The following SHROOM4 variants were observed in gnomAD, a reference collection of about 807,000 sequenced individuals.
The protein encoded by SHROOM4 is protein Shroom4.
Under a neutral mutation model 80.3 loss-of-function variants are expected in SHROOM4, and 17 were observed. That is an observed-to-expected ratio of 0.21 (90% CI 0.14 to 0.32). The LOEUF (loss-of-function observed/expected upper bound fraction) is 0.32, where lower values mean the gene tolerates loss of function less well. Among genes scored for constraint, SHROOM4 ranks in the 10% least tolerant of loss-of-function variants. The pLI is 1.00. For synonymous variants in SHROOM4, 400 were observed against 437.5 expected, an observed-to-expected ratio of 0.91 and a Z score of 1.07; for missense variants, 993 against 1,140.3, an observed-to-expected ratio of 0.87 and a Z score of 1.86.
chrX:50,628,057 A>C (rs1557253446), intron 4 of SHROOM4, among the ~76,000 whole-genome samples: 1 of 112,150 alleles, frequency 8.9e-6, no homozygotes, highest in African/African-American at 3.2e-5. Flanking sequence ...GAACCTGCTC[A>C]TTCCTCCTGC....
At chrX:50,746,647 T>C (rs1367755253) in intron 1 of SHROOM4, among the ~76,000 whole-genome samples, 4 of 111,973 alleles carry the variant, frequency 3.6e-5, no homozygotes, top group African/African-American at 1.3e-4. Flanking sequence ...TCCCTTACAG[T>C]GGAGAAGGGT....
Position 50,635,257 on chromosome X carries a change from G to T in SHROOM4, c.816C>A (p.Gly272=). 1 of 1,201,989 alleles carries T rather than the reference G, an allele frequency of 8.3e-7. No individual in the cohort carries two copies. The highest frequency in any genetic ancestry group is 1.1e-6 in the Non-Finnish European group (1 of 890,476). Residue 272 remains glycine (G), a synonymous_variant, in exon 4 of 9, where the codon GGC becomes GGA. Transcript: ENST00000376020. ...CCCGCCTCACTGGAGGTTGTGGTGGGCCCCTGACTGCTTTGGCGGGCCCTG... is the reference window on the plus strand; with the variant it reads ...CCCGCCTCACTGGAGGTTGTGGTGGTCCCCTGACTGCTTTGGCGGGCCCTG... ...YQSGPAKAVR[G]PPQPPVRRDS... is the part of the protein sequence containing the mutation.
Position 50,615,623 on chromosome X carries a change from G to A in SHROOM4, c.2958-7439C>T, listed in dbSNP as rs370831401. On this transcript the variant is annotated intron_variant, in intron 5 of 8. Transcript: ENST00000376020. The stretch of plus-strand genomic sequence containing the variant: ...TGCTCAGTACATATTTCTTCAATGT[G>A]AAATAAATGCAGGTTTGTGTGACTA... 1.2e-4 allele frequency among the ~76,000 whole-genome samples: 13 copies of A among 112,112 alleles called. No homozygotes were observed. In the South Asian group the frequency reaches 4.5e-3, roughly 39 times the overall value.
rs1557273794 is a variant in SHROOM4 at position 50,814,013 on chromosome X, C to T, written c.6G>A (p.Glu2=). 4 of 1,200,040 alleles carry T rather than the reference C, an allele frequency of 3.3e-6. No homozygotes were observed. Among genetic ancestry groups the T allele is most frequent in the Non-Finnish European group, 4.5e-6 (4 of 887,739 alleles). ...CGTACTGGAAGGACCCAGGCCGGTT[C>T]TCCATCCTCGGCTGGGCTCAGGCGC... The part of the protein sequence containing the change: M[E]NRPGSFQYVP... Residue 2 remains glutamate, a synonymous_variant, in exon 1 of 9, where the codon GAG becomes GAA. Coordinates refer to ENST00000376020, the MANE Select transcript of SHROOM4 (RefSeq NM_020717.5).
intron 1 of SHROOM4, among the ~76,000 whole-genome samples, chrX:50,738,452 C>G (rs1328230738): frequency 1.8e-5 from 2 of 111,696 alleles, no homozygotes; most frequent in Non-Finnish European, 3.8e-5. Context: ...CCCCAAATCT[C>G]CTTAAACTGA....
chrX:50,650,814 C>T (rs1932020831), intron 2 of SHROOM4, among the ~76,000 whole-genome samples: 1 of 112,297 alleles, frequency 8.9e-6, no homozygotes, highest in Admixed American at 9.5e-5. Flanking sequence ...CTAGATTTTT[C>T]CCTCAGGGAA....
intron 1 of SHROOM4, among the ~76,000 whole-genome samples, chrX:50,803,573 C>T (rs1324910005): frequency 2.7e-5 from 3 of 111,587 alleles, no homozygotes; most frequent in Non-Finnish European, 5.6e-5. Flanking sequence ...GGCCTAGCTC[C>T]AATTCTTCCT....
In SHROOM4 at chrX:50,638,279, G is replaced by C; in HGVS notation, c.299C>G (p.Ser100Ter). The stretch of plus-strand genomic sequence containing the variant: ...CTCCAGCAGCTTGGCCACATGCCAT[G>C]AGTGCGGCCTACTGACAGGGGCGTT... ...RRNAPVSRPH[S>*]WHVAKLLEGC... The change falls in exon 3 of 9, where the codon TCA becomes TGA. Residue 100 changes from serine to a stop codon, truncating the protein, a stop_gained. Transcript: ENST00000376020. LOFTEE classifies it high-confidence loss of function. 8.3e-7 allele frequency: 1 copy of C among 1,211,979 alleles called. No homozygotes were observed. Among genetic ancestry groups the C allele is most frequent in the Non-Finnish European group, 1.1e-6 (1 of 895,499 alleles).
In SHROOM4 at chrX:50,587,668, C is replaced by T. The variant is rs1557244994; in HGVS notation, c.*9027G>A. 8.9e-6 allele frequency among the ~76,000 whole-genome samples: 1 copy of T among 111,907 alleles called. No individual in the cohort carries two copies. Among genetic ancestry groups the T allele is most frequent in the Non-Finnish European group, 1.9e-5 (1 of 53,122 alleles). On this transcript the variant is annotated 3_prime_UTR_variant, in exon 9 of 9. Transcript: ENST00000376020. ...TCTATCTCTTTCATTAGGATAAAAGCCCCACGAGAGTGGGGACTTTGTCTA... is the reference window on the plus strand; with the variant it reads ...TCTATCTCTTTCATTAGGATAAAAGTCCCACGAGAGTGGGGACTTTGTCTA...
At chrX:50,670,306 G>A (rs1305122300) in intron 2 of SHROOM4, among the ~76,000 whole-genome samples, 1 of 102,876 alleles carries the variant, frequency 9.7e-6, no homozygotes, top group African/African-American at 3.6e-5. Context: ...TCCCCTCCCT[G>A]TGTCCATGTG....
chrX:50,764,650 T>C (rs782751080), intron 1 of SHROOM4, among the ~76,000 whole-genome samples: 23 of 111,838 alleles, frequency 2.1e-4, no homozygotes, highest in South Asian at 3.8e-4. Flanking sequence ...CCAGAGACTT[T>C]AAATAGTTGT....
intron 1 of SHROOM4, among the ~76,000 whole-genome samples, chrX:50,764,575 T>C (rs1314060244): frequency 7.2e-5 from 8 of 111,675 alleles, no homozygotes; most frequent in African/African-American, 2.3e-4. Flanking sequence ...TTTATTCTTA[T>C]TGAGACCTAG....
At chrX:50,807,073 G>A (rs1314704434) in intron 1 of SHROOM4, among the ~76,000 whole-genome samples, 1 of 112,132 alleles carries the variant, frequency 8.9e-6, no homozygotes, top group Non-Finnish European at 1.9e-5. Flanking sequence ...CATTGTGTCA[G>A]TGAAGACACG....
At position 50,635,295 on chromosome X, in the gene SHROOM4, C is replaced by T; in HGVS notation, c.778G>A (p.Glu260Lys). The T allele has an allele frequency of 2.5e-6, 3 of 1,201,047 alleles. No homozygotes were observed. Among genetic ancestry groups the T allele is most frequent in the Non-Finnish European group, 3.4e-6 (3 of 890,024 alleles). ...PSSQMSSRPQ[E>K]GYQSGPAKAV... ...TTGGCGGGCCCTGACTGGTATCCCT[C>T]CTGTGGACGGGATGACATCTGAGAG... Residue 260 changes from glutamate (E) to lysine (K), a missense_variant, in exon 4 of 9, where the codon GAG becomes AAG. Transcript: ENST00000376020.
At chrX:50,638,110 A>G in intron 3 of SHROOM4, 64 bp downstream of exon 3, 1 of 1,148,607 alleles carries the variant, frequency 8.7e-7, no homozygotes, top group East Asian at 3.2e-5. Flanking sequence ...ACTAGAGCAG[A>G]GGAGGAGGAG....
chrX:50,616,828 A>G (rs1389543713), intron 5 of SHROOM4, among the ~76,000 whole-genome samples: 2 of 111,676 alleles, frequency 1.8e-5, no homozygotes, highest in African/African-American at 6.5e-5. Context: ...TATTTGTTCC[A>G]ATTAGGTTGG....
At chrX:50,647,447 A>T (rs17003154) in intron 2 of SHROOM4, among the ~76,000 whole-genome samples, 1 of 111,567 alleles carries the variant, frequency 9.0e-6, no homozygotes, top group Non-Finnish European at 1.9e-5. Context: ...ACAGTGCACC[A>T]TCTGACTCAA....
chrX:50,813,135 C>T (rs1936375153), intron 1 of SHROOM4, among the ~76,000 whole-genome samples: 1 of 98,414 alleles, frequency 1.0e-5, no homozygotes, highest in Non-Finnish European at 2.1e-5. Flanking sequence ...CAAACAAACC[C>T]TGGCGGCGGC....
chrX:50,768,842 T>A (rs1935335075), intron 1 of SHROOM4, among the ~76,000 whole-genome samples: 1 of 111,960 alleles, frequency 8.9e-6, no homozygotes, highest in Non-Finnish European at 1.9e-5. Context: ...AGAATCCAGA[T>A]CTGCTGAGGT....
Sources: gnomAD v4.1 joint callset for allele counts (sites outside exome capture counted in the v4.1 genomes callset) on GRCh38, gnomAD v4.1.1 for gene constraint, MANE v1.5 for transcripts, NCBI Gene and HGNC (gene_info 2026-07-23, HGNC 2026-07-21) for gene names.